The following COL12A1 variants were observed in gnomAD, a reference collection of about 807,000 sequenced individuals.
The protein encoded by COL12A1 is collagen alpha-1(XII) chain.
COL12A1 carries 114 observed loss-of-function variants against 349.7 expected under a neutral mutation model. The observed-to-expected ratio is 0.33, with a 90% CI of 0.28 to 0.38. The LOEUF is 0.38. Among genes scored for constraint, COL12A1 ranks in the 10% least tolerant of loss-of-function variants. COL12A1 has a pLI of 1.00. For missense variants in COL12A1, 3,284 were observed against 3,756.9 expected, an observed-to-expected ratio of 0.87 and a Z score of 3.29; for synonymous variants, 1,369 against 1,329.0, an observed-to-expected ratio of 1.03 and a Z score of -0.66.
At chr6:75,125,104 C>T in intron 40 of COL12A1, 23 bp downstream of exon 40, 9 of 1,558,104 alleles carry the variant, frequency 5.8e-6, no homozygotes, top group Non-Finnish European at 7.8e-6. Flanking sequence ...TTTCTCACAA[C>T]CATGAAAATA....
At chr6:75,134,064 A>T (rs1582105546) in intron 32 of COL12A1, 67 bp from the exon 33 acceptor site, 6 of 1,535,458 alleles carry the variant, frequency 3.9e-6, no homozygotes, top group Non-Finnish European at 5.3e-6. Flanking sequence ...ACACAGATTC[A>T]CTGATATCTC....
intron 26 of COL12A1, among the ~76,000 whole-genome samples, 187 bp from the exon 27 acceptor site, chr6:75,142,348 G>T (rs1333186916): frequency 6.6e-6 from 1 of 152,130 alleles, no homozygotes; most frequent in African/African-American, 2.4e-5. Context: ...GAAAAAAAAT[G>T]TATGTACTAG....
At chr6:75,154,355 G>A in intron 17 of COL12A1, 61 bp downstream of exon 17, 1 of 1,568,012 alleles carries the variant, frequency 6.4e-7, no homozygotes. Context: ...TACCCTAACA[G>A]TTCACATTTG....
In COL12A1 at chr6:75,086,230, TTAG is replaced by T. The variant is rs1020636745; in HGVS notation, c.*314_*316del. The T allele has an allele frequency of 5.1e-5, 9 of 176,416 alleles. No homozygotes were observed. Among genetic ancestry groups the T allele is most frequent in the African/African-American group, 2.1e-4 (9 of 42,436 alleles). 10.9% of individuals were successfully genotyped at this position (176,416 alleles called of 1,614,324 possible). ...CTTAAAATGGCATAGACTCCTCTGG[TTAG>T]TAGTTTTATTATGCACCTCTTTCAA... On this transcript the variant is annotated 3_prime_UTR_variant, in exon 66 of 66. Transcript: ENST00000322507.
At chr6:75,166,058 T>C (rs1768287249) in intron 13 of COL12A1, among the ~76,000 whole-genome samples, 1 of 152,050 alleles carries the variant, frequency 6.6e-6, no homozygotes, top group African/African-American at 2.4e-5. Context: ...ACATCCAAAT[T>C]TGAAGGAGTA....
At chr6:75,103,913 A>G in intron 54 of COL12A1, 103 bp from the exon 55 acceptor site, 1 of 751,848 alleles carries the variant, frequency 1.3e-6, no homozygotes, top group Non-Finnish European at 2.1e-6. Flanking sequence ...GACAATTATT[A>G]TTCTACAGCT....
chr6:75,100,241 G>A (rs951305347), intron 58 of COL12A1, among the ~76,000 whole-genome samples: 11 of 152,162 alleles, frequency 7.2e-5, no homozygotes, highest in African/African-American at 2.7e-4. Context: ...GGTGATGGCT[G>A]TCTGAGCACC....
intron 34 of COL12A1, 61 bp downstream of exon 34, chr6:75,133,232 G>T (rs1053608133): frequency 6.9e-7 from 1 of 1,438,992 alleles, no homozygotes; most frequent in Admixed American, 2.3e-5. Flanking sequence ...GGCCTTTATG[G>T]TCTTTATAAT....
chr6:75,176,527 G>A (rs943209058), intron 12 of COL12A1, among the ~76,000 whole-genome samples: 2 of 151,724 alleles, frequency 1.3e-5, no homozygotes, highest in African/African-American at 4.8e-5. Context: ...GTAGAGGGAG[G>A]GAGGGCAGTG....
At chr6:75,202,174 G>A (rs1024305963) in intron 2 of COL12A1, among the ~76,000 whole-genome samples, 10 of 152,210 alleles carry the variant, frequency 6.6e-5, no homozygotes, top group Non-Finnish European at 1.5e-4. Flanking sequence ...CAGGCTGCTT[G>A]GCTGCTGGCT....
intron 14 of COL12A1, among the ~76,000 whole-genome samples, chr6:75,163,988 T>G (rs550498020): frequency 5.9e-4 from 90 of 152,200 alleles, no homozygotes; most frequent in Non-Finnish European, 1.1e-3. Flanking sequence ...ACAAATAAAT[T>G]TAGCTTTATG....
chr6:75,128,259 C>G, intron 38 of COL12A1, 37 bp downstream of exon 38: 1 of 1,517,326 alleles, frequency 6.6e-7, no homozygotes, highest in Non-Finnish European at 8.8e-7. Flanking sequence ...TTGACAATTT[C>G]AAAGCAAAAA....
chr6:75,087,863 T>C, intron 64 of COL12A1, 116 bp from the exon 65 acceptor site: 1 of 1,087,734 alleles, frequency 9.2e-7, no homozygotes, highest in Non-Finnish European at 1.3e-6. Context: ...TTTACTATTG[T>C]ATGGTAAGAA....
At chr6:75,109,222 A>G in intron 51 of COL12A1, 55 bp from the exon 52 acceptor site, 1 of 1,279,584 alleles carries the variant, frequency 7.8e-7, no homozygotes, top group South Asian at 1.4e-5. Context: ...AAATTAGCTG[A>G]CTCTGCATAG....
At chr6:75,147,218 T>C (rs1767239682) in intron 23 of COL12A1, among the ~76,000 whole-genome samples, 1 of 152,248 alleles carries the variant, frequency 6.6e-6, no homozygotes, top group Non-Finnish European at 1.5e-5. Flanking sequence ...CTCTGTACGC[T>C]CTTCTTCCTG....
intron 6 of COL12A1, 36 bp from the exon 7 acceptor site, chr6:75,189,417 C>T: frequency 6.3e-7 from 1 of 1,593,418 alleles, no homozygotes; most frequent in Non-Finnish European, 8.5e-7. Flanking sequence ...TTACTCTGTA[C>T]TACACAATTT....
At chr6:75,154,579 G>C in intron 16 of COL12A1, 42 bp from the exon 17 acceptor site, 1 of 1,539,986 alleles carries the variant, frequency 6.5e-7, no homozygotes, top group Non-Finnish European at 8.7e-7. Flanking sequence ...AGAACCATAG[G>C]CTCAAGTGGT....
At chr6:75,135,620 C>G (rs933415863) in intron 31 of COL12A1, among the ~76,000 whole-genome samples, 2 of 152,116 alleles carry the variant, frequency 1.3e-5, no homozygotes, top group African/African-American at 4.8e-5. Context: ...TGGCACACTG[C>G]CCAAAATGAG....
intron 14 of COL12A1, among the ~76,000 whole-genome samples, chr6:75,157,568 C>T (rs890721936): frequency 7.9e-5 from 12 of 152,090 alleles, no homozygotes; most frequent in African/African-American, 2.4e-4. Flanking sequence ...CCAGCTATTG[C>T]TTGGAATTTC....
Sources: gnomAD v4.1 joint callset for allele counts (sites outside exome capture counted in the v4.1 genomes callset) on GRCh38, gnomAD v4.1.1 for gene constraint, MANE v1.5 for transcripts, NCBI Gene and HGNC (gene_info 2026-07-23, HGNC 2026-07-21) for gene names.